The following SIGLECL1 variants were observed in gnomAD, a reference collection of about 807,000 sequenced individuals.
The protein encoded by SIGLECL1 is SIGLEC family like 1.
A neutral mutation model predicts 19.1 loss-of-function variants in SIGLECL1; 16 were observed. That is an observed-to-expected ratio of 0.84 (90% CI 0.57 to 1.27). The LOEUF (loss-of-function observed/expected upper bound fraction) is 1.27. Ranked by LOEUF, SIGLECL1 falls within the 50% of genes most tolerant of loss-of-function variation. The pLI is 0.00. For missense variants in SIGLECL1, 210 were observed against 239.4 expected, an observed-to-expected ratio of 0.88 and a Z score of 0.81; for synonymous variants, 89 against 90.4, an observed-to-expected ratio of 0.98 and a Z score of 0.09.
chr19:51,267,239 T>C, intron 4 of SIGLECL1, 134 bp from the exon 5 acceptor site: 1 of 1,027,234 alleles, frequency 9.7e-7, no homozygotes, highest in East Asian at 2.4e-5. Flanking sequence ...AGAGGATGTG[T>C]GGCTTGCCCT....
rs1269710984 is a variant in SIGLECL1, at chr19:51,267,381, A to G, written c.419A>G (p.His140Arg). 4 of 1,612,284 alleles carry G rather than the reference A, an allele frequency of 2.5e-6. No homozygotes were observed. Among genetic ancestry groups the G allele is most frequent in the South Asian group, 1.1e-5 (1 of 91,084 alleles). ...AAGGCTTATTTCCTTAGAGTGAAAC[A>G]TATCAGAAAGAAGCAGGCGAAGAAA... The part of the protein sequence containing the change: ...FLCLLPLIVK[H>R]IRKKQAKKAA... Residue 140 changes from histidine to arginine, a missense_variant, in exon 5 of 6, where the codon CAT becomes CGT. His to Arg is a conservative substitution (Grantham distance 29). Coordinates refer to ENST00000601727, the MANE Select transcript of SIGLECL1 (RefSeq NM_001385465.1).
At chr19:51,258,755 A>G (rs1010410375) in intron 1 of SIGLECL1, among the ~76,000 whole-genome samples, 4 of 152,208 alleles carry the variant, frequency 2.6e-5, no homozygotes, top group Non-Finnish European at 4.4e-5. Context: ...AAATCTTTAT[A>G]AACAGTTATT....
rs1422566350 is a variant in SIGLECL1, at chr19:51,251,172, T to C, written c.-564T>C. 6.6e-6 allele frequency: 1 copy of C among 152,306 alleles called. No individual in the cohort carries two copies. The highest frequency in any genetic ancestry group is 1.5e-5 in the Non-Finnish European group (1 of 68,100). The allele number at this position is 152,306 out of a possible 1,614,324, so 9.4% of individuals were successfully genotyped here. ...TGTGCAGCCGACTGAGGATCCCTAGTCGCATAAGGCTGTGCCTGGCCTGTT... is the reference window on the plus strand; with the variant it reads ...TGTGCAGCCGACTGAGGATCCCTAGCCGCATAAGGCTGTGCCTGGCCTGTT... On this transcript the variant is annotated 5_prime_UTR_variant, in exon 1 of 6. Coordinates refer to ENST00000601727, the MANE Select transcript of SIGLECL1 (RefSeq NM_001385465.1).
intron 5 of SIGLECL1, 117 bp from the exon 6 acceptor site, chr19:51,268,454 C>T (rs1268484980): frequency 1.8e-6 from 2 of 1,090,324 alleles, no homozygotes; most frequent in South Asian, 2.5e-5. Flanking sequence ...CCAGTGCTCA[C>T]TCCATGTTGC....
In SIGLECL1 at chr19:51,261,490, G is replaced by A. The variant is rs530789856; in HGVS notation, c.-190-2393G>A. Among the ~76,000 whole-genome samples the A allele has an allele frequency of 4.3e-4, 66 of 152,046 alleles. No individual in the cohort carries two copies. The South Asian group carries it at 5.2e-3, about 12-fold the overall frequency. On this transcript the variant is annotated intron_variant, in intron 1 of 5. Transcript: ENST00000601727. ...TTTTTAGTAGAGACGGGGTTTCACC[G>A]TGTTAGCCAGGATGGTCTGGATCTC...
At position 51,265,855 on chromosome 19, in the gene SIGLECL1, T is replaced by C; in HGVS notation, c.383T>C (p.Leu128Pro). The change falls in exon 4 of 6, where the codon CTG (leucine) becomes CCG (proline). Residue 128 changes from leucine to proline, a missense_variant. By Grantham distance (98) the Leu-to-Pro change is moderately conservative (BLOSUM62 -3). Coordinates refer to ENST00000601727, the MANE Select transcript of SIGLECL1 (RefSeq NM_001385465.1). ...GAIYAGIVIA[L>P]LFLCLLPLIV... ...ATCTATGCGGGAATTGTAATTGCGC[T>C]GCTCTTCCTCTGCCTCCTCCCTCTC... is the stretch of plus-strand genomic sequence containing the variant. The C allele has an allele frequency of 6.2e-7, 1 of 1,614,180 alleles. No homozygotes were observed.
At chr19:51,260,239 T>C (rs1468114460) in intron 1 of SIGLECL1, among the ~76,000 whole-genome samples, 1 of 152,264 alleles carries the variant, frequency 6.6e-6, no homozygotes, top group African/African-American at 2.4e-5. Flanking sequence ...ATCCTACCTT[T>C]TATGCTGGAC....
At position 51,268,788 on chromosome 19, in the gene SIGLECL1, T is replaced by A; in HGVS notation, c.*191T>A. 2 of 599,490 alleles carry A rather than the reference T, an allele frequency of 3.3e-6. No homozygotes were observed. Among genetic ancestry groups the A allele is most frequent in the East Asian group, 5.7e-5 (2 of 35,334 alleles). The allele number at this position is 599,490 out of a possible 1,614,324, so 37.1% of individuals were successfully genotyped here. On this transcript the variant is annotated 3_prime_UTR_variant, in exon 6 of 6. Coordinates refer to ENST00000601727, the MANE Select transcript of SIGLECL1 (RefSeq NM_001385465.1). ...ACTCATTCTCCATTGAATAGGTGGT[T>A]ACTCTTAGACCTAGTCTTAGAACCT...
chr19:51,268,132 A>G (rs1207483870), intron 5 of SIGLECL1, among the ~76,000 whole-genome samples: 1 of 152,136 alleles, frequency 6.6e-6, no homozygotes, highest in African/African-American at 2.4e-5. Context: ...AATTCCACCA[A>G]TATTTCCTGC....
chr19:51,252,332 A>C (rs1982543267), intron 1 of SIGLECL1, among the ~76,000 whole-genome samples: 1 of 152,112 alleles, frequency 6.6e-6, no homozygotes, highest in African/African-American at 2.4e-5. Context: ...AAAAGAAAAT[A>C]TAATGGGTGC....
rs1260547602 is a variant in SIGLECL1, at chr19:51,265,849, T to C, written c.377T>C (p.Ile126Thr). ...IQGAIYAGIV[I>T]ALLFLCLLPL... ...GGTGCTATCTATGCGGGAATTGTAATTGCGCTGCTCTTCCTCTGCCTCCTC... is the reference window on the plus strand; with the variant it reads ...GGTGCTATCTATGCGGGAATTGTAACTGCGCTGCTCTTCCTCTGCCTCCTC... The change falls in exon 4 of 6, where the codon ATT (isoleucine) becomes ACT (threonine). Residue 126 changes from isoleucine (I) to threonine (T), a missense_variant. Physicochemically the swap from Ile to Thr is moderately conservative, Grantham distance 89 (BLOSUM62 -1). Transcript: ENST00000601727. 2 of 1,614,016 alleles carry C rather than the reference T, an allele frequency of 1.2e-6. No individual in the cohort carries two copies. The highest frequency in any genetic ancestry group is 2.7e-5 in the African/African-American group (2 of 74,902).
chr19:51,252,476 G>A lies in SIGLECL1; in HGVS notation c.-191+931G>A, dbSNP rs188226441. ...TGTTACACATGAGGAAATAAGAAGA[G>A]GGAAAATACTTGACCACAGTTATTC... On this transcript the variant is annotated intron_variant, in intron 1 of 5. Coordinates refer to ENST00000601727, the MANE Select transcript of SIGLECL1 (RefSeq NM_001385465.1). Among the ~76,000 whole-genome samples the A allele has an allele frequency of 2.7e-4, 41 of 152,158 alleles. 2 individuals carry two copies. In the East Asian group the frequency reaches 6.8e-3, roughly 25 times the overall value.
rs376504880 is a variant in SIGLECL1, at chr19:51,259,670, T to C, written c.-190-4213T>C. Among the ~76,000 whole-genome samples, 81 of 152,302 alleles carry C rather than the reference T, an allele frequency of 5.3e-4. 1 individual carries two copies. The East Asian group carries it at 0.013, about 25-fold the overall frequency. On this transcript the variant is annotated intron_variant, in intron 1 of 5. Coordinates refer to ENST00000601727, the MANE Select transcript of SIGLECL1 (RefSeq NM_001385465.1). ...ATAATCCTGACACCTGAAATCCTCA[T>C]GATGTGTTTGTCATGTTGGAAAAAC...
chr19:51,250,054 A>G (rs1206624321), upstream of SIGLECL1, among the ~76,000 whole-genome samples: 2 of 149,480 alleles, frequency 1.3e-5, no homozygotes, highest in African/African-American at 2.5e-5. Flanking sequence ...TCTCATTGTC[A>G]TCTTGGTTTT....
In SIGLECL1 at chr19:51,265,373, G is replaced by A. The variant is rs1204922865; in HGVS notation, c.28G>A (p.Ala10Thr). The part of the protein sequence containing the change: MLPLLQLVP[A>T]KLLNSSCSLE... ...CTGACCCTTCCTCCCCACAGTACCT[G>A]CTAAGCTGCTCAACTCCTCTTGCTC... The change falls in exon 3 of 6, where the codon GCT (alanine) becomes ACT (threonine). Residue 10 changes from alanine to threonine, a missense_variant. Physicochemically the swap from Ala to Thr is moderately conservative, Grantham distance 58. Coordinates refer to ENST00000601727, the MANE Select transcript of SIGLECL1 (RefSeq NM_001385465.1). The A allele has an allele frequency of 1.2e-6, 2 of 1,609,558 alleles. No homozygotes were observed. The highest frequency in any genetic ancestry group is 3.3e-5 in the Admixed American group (2 of 59,942).
intron 4 of SIGLECL1, 100 bp from the exon 5 acceptor site, chr19:51,267,273 G>C: frequency 6.9e-7 from 1 of 1,440,070 alleles, no homozygotes; most frequent in Non-Finnish European, 9.4e-7. Context: ...AGCTGGTACT[G>C]TTGTTGAGGC....
chr19:51,265,840 G>A lies in SIGLECL1; in HGVS notation c.368G>A (p.Gly123Glu). The change falls in exon 4 of 6, where the codon GGA becomes GAA. Residue 123 changes from glycine (G) to glutamate (E), a missense_variant. By Grantham distance (98) the Gly-to-Glu change is moderately conservative (BLOSUM62 -2). Coordinates refer to ENST00000601727, the MANE Select transcript of SIGLECL1 (RefSeq NM_001385465.1). Reference sequence around the variant, plus strand: ...CTGATCCAGGGTGCTATCTATGCGGGAATTGTAATTGCGCTGCTCTTCCTC... The same window carrying A: ...CTGATCCAGGGTGCTATCTATGCGGAAATTGTAATTGCGCTGCTCTTCCTC... ...KGLIQGAIYAGIVIALLFLCL... is the reference protein window; with the variant it reads ...KGLIQGAIYAEIVIALLFLCL... The A allele has an allele frequency of 1.2e-6, 2 of 1,614,158 alleles. No homozygotes were observed. Among genetic ancestry groups the A allele is most frequent in the African/African-American group, 1.3e-5 (1 of 75,022 alleles).
intron 1 of SIGLECL1, among the ~76,000 whole-genome samples, chr19:51,259,590 A>T (rs1482257773): frequency 6.6e-6 from 1 of 152,216 alleles, no homozygotes; most frequent in Non-Finnish European, 1.5e-5. Flanking sequence ...TTTCCAATGG[A>T]GAGACAACTA....
At chr19:51,253,162 A>C (rs1397615930) in intron 1 of SIGLECL1, among the ~76,000 whole-genome samples, 1 of 152,180 alleles carries the variant, frequency 6.6e-6, no homozygotes, top group East Asian at 1.9e-4. Context: ...GGAGCTAAGC[A>C]GGGAACCTAA....
Sources: gnomAD v4.1 joint callset for allele counts (sites outside exome capture counted in the v4.1 genomes callset) on GRCh38, gnomAD v4.1.1 for gene constraint, MANE v1.5 for transcripts, NCBI Gene and HGNC (gene_info 2026-07-23, HGNC 2026-07-21) for gene names.